The following SCFD2 variants were observed in gnomAD, a reference collection of about 807,000 sequenced individuals.
The protein encoded by SCFD2 is sec1 family domain containing 2, also known as sec1 family domain-containing protein 2.
SCFD2 carries 54 observed loss-of-function variants against 58.9 expected under a neutral mutation model. That is an observed-to-expected ratio of 0.92 (90% CI 0.74 to 1.15). SCFD2 has a LOEUF of 1.15. Among genes scored for constraint, SCFD2 ranks in the 50% most tolerant of loss-of-function variants. The pLI is 0.00. For missense variants in SCFD2, 805 were observed against 836.6 expected (o/e 0.96, Z 0.47); for synonymous variants, 321 against 335.9 (o/e 0.96, Z 0.49).
chr4:53,347,064 AGAGGCAGCTAATGCCATCAGT>A (rs1192454468), intron 2 of SCFD2, among the ~76,000 whole-genome samples: 1 of 152,296 alleles, frequency 6.6e-6, no homozygotes, highest in East Asian at 1.9e-4. Context: ...ACTCCACTAC[AGAGGCAGCTAATGCCATCAGT>A]GTAAGAGGTA....
At position 53,213,555 on chromosome 4, in the gene SCFD2, T is replaced by C. The variant is rs181332610; in HGVS notation, c.1311+60271A>G. Among the ~76,000 whole-genome samples the C allele has an allele frequency of 1.5e-3, 229 of 152,248 alleles. 3 individuals carry two copies. The highest frequency in any genetic ancestry group is 6.8e-3 in the Middle Eastern group (2 of 294). ...TTCAAGCTGAAAGTAAATTCAGGAA[T>C]TAAGATGTGCAGGCAAATACAGGAT... On this transcript the variant is annotated intron_variant, in intron 4 of 8. Transcript: ENST00000401642.
intron 5 of SCFD2, among the ~76,000 whole-genome samples, chr4:53,094,203 C>T (rs1399913854): frequency 6.6e-6 from 1 of 152,120 alleles, no homozygotes; most frequent in Non-Finnish European, 1.5e-5. Flanking sequence ...GCATCACATT[C>T]CATCCTTTCT....
intron 7 of SCFD2, among the ~76,000 whole-genome samples, chr4:52,897,773 T>C (rs1464314987): frequency 1.3e-5 from 2 of 152,236 alleles, no homozygotes; most frequent in African/African-American, 2.4e-5. Context: ...CAACTGCGAA[T>C]CCATCTGGTC....
At chr4:52,918,512 A>G (rs1023493355) in intron 6 of SCFD2, among the ~76,000 whole-genome samples, 13 of 152,162 alleles carry the variant, frequency 8.5e-5, no homozygotes, top group Non-Finnish European at 1.6e-4. Flanking sequence ...AAAAACCCAG[A>G]GGTAAAAATT....
intron 5 of SCFD2, 70 bp from the exon 6 acceptor site, chr4:52,920,940 G>A (rs891438884): frequency 2.8e-5 from 26 of 921,948 alleles, no homozygotes; most frequent in African/African-American, 2.4e-4. Flanking sequence ...GCTTGAGCTC[G>A]ATGTAATGTA....
chr4:52,873,650 A>C lies in SCFD2; in HGVS notation c.*319T>G. The C allele has an allele frequency of 5.0e-6, 1 of 201,238 alleles. No individual in the cohort carries two copies. The highest frequency in any genetic ancestry group is 1.2e-4 in the South Asian group (1 of 8,170). 12.5% of individuals were successfully genotyped at this position (201,238 alleles called of 1,614,324 possible). A position where few individuals can be genotyped will look rare whatever the true frequency, so the allele number is the denominator to read the frequency against. On this transcript the variant is annotated 3_prime_UTR_variant, in exon 9 of 9. Coordinates refer to ENST00000401642, the MANE Select transcript of SCFD2 (RefSeq NM_152540.4). ...CACTTGCCAACAGGCTTTTATTTAG[A>C]ACTAATGAACTTGTAGGTGGAATCA...
intron 2 of SCFD2, among the ~76,000 whole-genome samples, chr4:53,337,338 T>G (rs960944240): frequency 1.3e-5 from 2 of 152,324 alleles, no homozygotes; most frequent in Middle Eastern, 3.4e-3. Flanking sequence ...TTTTACCTCT[T>G]AATTACCTCT....
chr4:53,342,583 G>C (rs1429867406), intron 2 of SCFD2, among the ~76,000 whole-genome samples: 1 of 152,126 alleles, frequency 6.6e-6, no homozygotes, highest in Non-Finnish European at 1.5e-5. Flanking sequence ...TCCAGGAATT[G>C]AACTCAGCTC....
At chr4:52,950,549 G>A (rs915369380) in intron 5 of SCFD2, 2 of 152,192 alleles carry the variant, frequency 1.3e-5, no homozygotes, top group Admixed American at 1.3e-4. Context: ...AATACCTAGA[G>A]CAGAAATGGC....
chr4:52,900,400 C>T (rs531715197), intron 7 of SCFD2, among the ~76,000 whole-genome samples: 221 of 152,252 alleles, frequency 1.5e-3, no homozygotes, highest in African/African-American at 5.0e-3. Context: ...TCTATTGGAG[C>T]TTACTGGAGG....
At chr4:52,938,592 T>C (rs1720204513) in intron 5 of SCFD2, among the ~76,000 whole-genome samples, 1 of 152,220 alleles carries the variant, frequency 6.6e-6, no homozygotes, top group Admixed American at 6.5e-5. Context: ...AGGTCTGTAC[T>C]GCTTGTTGTG....
chr4:53,220,273 A>G (rs528315089), intron 4 of SCFD2, among the ~76,000 whole-genome samples: 92 of 152,370 alleles, frequency 6.0e-4, no homozygotes, highest in Middle Eastern at 6.8e-3. Context: ...CACATGCTAT[A>G]GAAAACCTGA....
At chr4:53,287,706 A>G (rs1322139894) in intron 3 of SCFD2, among the ~76,000 whole-genome samples, 1 of 152,204 alleles carries the variant, frequency 6.6e-6, no homozygotes, top group African/African-American at 2.4e-5. Context: ...GATGCCACCA[A>G]AGGAAAACAA....
chr4:53,256,999 G>A (rs1326589387), intron 4 of SCFD2, among the ~76,000 whole-genome samples: 2 of 151,998 alleles, frequency 1.3e-5, no homozygotes, highest in Non-Finnish European at 2.9e-5. Flanking sequence ...CCTCATAGCA[G>A]TGTGAGAAGG....
chr4:53,358,063 G>C (rs1213279994), intron 1 of SCFD2, among the ~76,000 whole-genome samples: 3 of 152,138 alleles, frequency 2.0e-5, no homozygotes, highest in Non-Finnish European at 4.4e-5. Context: ...CATATGCAGA[G>C]TGCTGAGATA....
chr4:52,947,771 T>C (rs1308444317), intron 5 of SCFD2, among the ~76,000 whole-genome samples: 2 of 150,628 alleles, frequency 1.3e-5, no homozygotes, highest in Non-Finnish European at 3.0e-5. Context: ...AATACAGGTG[T>C]ACTAAATGTG....
intron 5 of SCFD2, among the ~76,000 whole-genome samples, chr4:53,125,793 G>C (rs1725609941): frequency 6.6e-6 from 1 of 152,216 alleles, no homozygotes; most frequent in Admixed American, 6.5e-5. Context: ...TGTCTGACTG[G>C]CAGGGTTTAG....
Position 53,145,334 on chromosome 4 carries a change from C to A in SCFD2, c.1560G>T (p.Thr520=). 6.2e-7 allele frequency: 1 copy of A among 1,613,904 alleles called. No homozygotes were observed. The highest frequency in any genetic ancestry group is 8.5e-7 in the Non-Finnish European group (1 of 1,179,952). ...SGLSPLLQKI[T]DWDSSINLTF... is the part of the protein sequence containing the mutation. ...CCTGTATCTTTGTTAGACACTCACC[C>A]GTAATTTTTTGCAGCAAAGGTGACA... The change falls in exon 5 of 9, where the codon ACG becomes ACT. Residue 520 remains threonine (T), a splice_region_variant and synonymous_variant. Transcript: ENST00000401642.
chr4:52,935,229 T>C (rs148644661), intron 5 of SCFD2, among the ~76,000 whole-genome samples: 16 of 152,328 alleles, frequency 1.1e-4, no homozygotes, highest in African/African-American at 3.6e-4. Flanking sequence ...AATGAAACAA[T>C]TGCCTGTTAA....
Sources: allele counts gnomAD v4.1 joint callset (sites outside exome capture counted in the v4.1 genomes callset), GRCh38; gene constraint gnomAD v4.1.1; transcripts MANE v1.5; gene names NCBI Gene and HGNC (gene_info 2026-07-23, HGNC 2026-07-21).